The following CDH20 variants were observed in gnomAD, a reference collection of about 807,000 sequenced individuals.
CDH20 encodes the protein cadherin-20.
In CDH20, 29 loss-of-function variants were observed where a neutral mutation model predicts 74.2. The ratio of observed to expected loss-of-function variants is 0.39; its 90% CI spans 0.29 to 0.53. CDH20 has a LOEUF of 0.53. CDH20 is among the 20% of genes least tolerant of loss of function. The probability of loss-of-function intolerance (pLI) is 0.69; values close to 1 mark genes in which losing one functional copy is unlikely to be tolerated. For synonymous variants in CDH20, 469 were observed against 405.4 expected, an observed-to-expected ratio of 1.16 and a Z score of -1.88; for missense variants, 988 against 1,048.3, an observed-to-expected ratio of 0.94 and a Z score of 0.79.
At chr18:61,496,510 G>C (rs553886008) in intron 2 of CDH20, among the ~76,000 whole-genome samples, 1 of 151,970 alleles carries the variant, frequency 6.6e-6, no homozygotes, top group African/African-American at 2.4e-5. Context: ...AAGGTCACAC[G>C]GAAAGCGAAG....
At chr18:61,453,679 A>G (rs1237539311) in intron 1 of CDH20, among the ~76,000 whole-genome samples, 1 of 152,158 alleles carries the variant, frequency 6.6e-6, no homozygotes, top group South Asian at 2.1e-4. Flanking sequence ...TACTTTGTGG[A>G]GGTGCCCCAA....
At chr18:61,378,875 CAATT>C (rs1484567786) in intron 1 of CDH20, among the ~76,000 whole-genome samples, 1 of 151,932 alleles carries the variant, frequency 6.6e-6, no homozygotes, top group African/African-American at 2.4e-5. Context: ...ACTCTAAGCA[CAATT>C]AATATGAGAC....
chr18:61,408,084 C>A (rs1261040983), intron 1 of CDH20, among the ~76,000 whole-genome samples: 2 of 151,278 alleles, frequency 1.3e-5, no homozygotes, highest in Non-Finnish European at 2.9e-5. Flanking sequence ...AAAATCATTT[C>A]AAAATAAAAA....
chr18:61,471,591 G>T (rs1036017087), intron 1 of CDH20, among the ~76,000 whole-genome samples: 3 of 152,136 alleles, frequency 2.0e-5, no homozygotes, highest in Admixed American at 6.5e-5. Context: ...ATTAGAGAAT[G>T]ATCCCTGTGG....
At chr18:61,511,873 T>C (rs1267515414) in intron 6 of CDH20, among the ~76,000 whole-genome samples, 3 of 152,214 alleles carry the variant, frequency 2.0e-5, no homozygotes, top group Non-Finnish European at 4.4e-5. Flanking sequence ...CTTCTGAACT[T>C]ATGAGCTGCC....
intron 6 of CDH20, among the ~76,000 whole-genome samples, chr18:61,526,571 G>A (rs761459709): frequency 7.2e-5 from 11 of 152,052 alleles, no homozygotes; most frequent in Non-Finnish European, 1.3e-4. Context: ...TTAACATTCC[G>A]AGATGTTCTG....
At chr18:61,554,080 C>T in intron 11 of CDH20, 110 bp from the exon 12 acceptor site, 3 of 1,329,312 alleles carry the variant, frequency 2.3e-6, no homozygotes, top group Non-Finnish European at 3.1e-6. Flanking sequence ...TCTCTGAGCC[C>T]TCCACTCGGT....
chr18:61,373,874 G>T (rs143497161), intron 1 of CDH20, among the ~76,000 whole-genome samples: 63 of 152,162 alleles, frequency 4.1e-4, no homozygotes, highest in African/African-American at 1.4e-3. Context: ...CTTCTCAAGG[G>T]AAACAAGTTC....
At chr18:61,364,745 C>T (rs1025059627) in intron 1 of CDH20, among the ~76,000 whole-genome samples, 2 of 152,340 alleles carry the variant, frequency 1.3e-5, no homozygotes, top group Admixed American at 6.5e-5. Flanking sequence ...TGAATGGAAG[C>T]AGCCTGAGGC....
At chr18:61,354,041 CAAA>C (rs35091174) in intron 1 of CDH20, among the ~76,000 whole-genome samples, 3 of 139,016 alleles carry the variant, frequency 2.2e-5, no homozygotes, top group African/African-American at 2.7e-5. Context: ...GAGACCCTGT[CAAA>C]AAAAAAAAAA....
intron 1 of CDH20, among the ~76,000 whole-genome samples, chr18:61,481,891 C>T (rs1292328286): frequency 6.6e-6 from 1 of 152,102 alleles, no homozygotes; most frequent in Non-Finnish European, 1.5e-5. Flanking sequence ...CAGTTGCTCA[C>T]TATGAACTAT....
intron 1 of CDH20, among the ~76,000 whole-genome samples, chr18:61,454,759 C>T (rs1399269519): frequency 6.6e-6 from 1 of 152,228 alleles, no homozygotes; most frequent in Non-Finnish European, 1.5e-5. Context: ...AGACACAGTA[C>T]CACCTGACTT....
chr18:61,518,425 G>A (rs1325654040), intron 6 of CDH20, among the ~76,000 whole-genome samples: 2 of 143,954 alleles, frequency 1.4e-5, no homozygotes, highest in African/African-American at 5.6e-5. Context: ...GGAAGGATCA[G>A]GCAGCAATCT....
intron 1 of CDH20, among the ~76,000 whole-genome samples, chr18:61,428,203 T>G (rs1289067539): frequency 6.6e-6 from 1 of 152,106 alleles, no homozygotes; most frequent in Non-Finnish European, 1.5e-5. Flanking sequence ...ACCTGCTGAG[T>G]ATAGGGTGGG....
At chr18:61,428,407 C>T (rs1177453671) in intron 1 of CDH20, among the ~76,000 whole-genome samples, 1 of 152,140 alleles carries the variant, frequency 6.6e-6, no homozygotes, top group Non-Finnish European at 1.5e-5. Context: ...CATCATGGGC[C>T]ATTTTTCTTC....
intron 6 of CDH20, among the ~76,000 whole-genome samples, chr18:61,521,709 A>G (rs957804975): frequency 1.3e-4 from 19 of 151,374 alleles, no homozygotes; most frequent in Non-Finnish European, 2.6e-4. Context: ...GCAGCACATC[A>G]AAAAGATTAT....
chr18:61,406,604 T>C (rs1225380533), intron 1 of CDH20, among the ~76,000 whole-genome samples: 1 of 152,198 alleles, frequency 6.6e-6, no homozygotes, highest in South Asian at 2.1e-4. Context: ...AGAAACAGGA[T>C]AATGTGATAG....
chr18:61,454,032 T>A (rs550215558), intron 1 of CDH20, among the ~76,000 whole-genome samples: 2 of 152,296 alleles, frequency 1.3e-5, no homozygotes, highest in African/African-American at 4.8e-5. Flanking sequence ...CATAGTGGCT[T>A]TAATTTGCAT....
At chr18:61,495,785 TTCCTTCTGGCCTTTCAGCCC>T (rs1313614830) in intron 2 of CDH20, among the ~76,000 whole-genome samples, 1 of 152,136 alleles carries the variant, frequency 6.6e-6, no homozygotes, top group African/African-American at 2.4e-5. Flanking sequence ...GCCTCGGGGC[TTCCTTCTGGCCTTTCAGCCC>T]TCCACTCCAA....
Sources: gnomAD v4.1 joint callset for allele counts (sites outside exome capture counted in the v4.1 genomes callset) on GRCh38, gnomAD v4.1.1 for gene constraint, MANE v1.5 for transcripts, NCBI Gene and HGNC (gene_info 2026-07-23, HGNC 2026-07-21) for gene names.